The following MTSS1 variants were observed in gnomAD, a reference collection of about 807,000 sequenced individuals.
The protein encoded by MTSS1 is MTSS I-BAR domain containing 1, also known as protein MTSS 1.
In MTSS1, 18 loss-of-function variants were observed where a neutral mutation model predicts 79.0. The observed-to-expected ratio is 0.23, with a 90% CI of 0.16 to 0.34. The LOEUF (loss-of-function observed/expected upper bound fraction) is 0.34, where lower values mean the gene tolerates loss of function less well. MTSS1 is among the 10% of genes least tolerant of loss of function. The probability of loss-of-function intolerance (pLI) is 1.00; values close to 1 mark genes in which losing one functional copy is unlikely to be tolerated. For missense variants in MTSS1, 815 were observed against 986.2 expected, an observed-to-expected ratio of 0.83 and a Z score of 2.33; for synonymous variants, 341 against 368.6, an observed-to-expected ratio of 0.93 and a Z score of 0.86.
rs1023948471 is a variant in MTSS1 at position 124,727,429 on chromosome 8, A to T, written c.72+455T>A. 3 of 408,880 alleles carry T rather than the reference A, an allele frequency of 7.3e-6. No homozygotes were observed. The highest frequency in any genetic ancestry group is 6.2e-5 in the African/African-American group (3 of 48,714). 25.3% of individuals were successfully genotyped at this position (408,880 alleles called of 1,614,324 possible). A position where few individuals can be genotyped will look rare whatever the true frequency, so the allele number is the denominator to read the frequency against. ...GCTTTCCCTCTCAGTCTCCTAGGCT[A>T]GGGGACTCCTTCCTGCGAGCGGGCA... On this transcript the variant is annotated intron_variant, in intron 1 of 13. Transcript: ENST00000518547. This position sits in a 1 kb window ranked among gnomAD's most constrained non-coding sequence, Gnocchi z 4.7.
At chr8:124,580,703 T>C (rs1829878208) in intron 6 of MTSS1, 1 of 933,884 alleles carries the variant, frequency 1.1e-6, no homozygotes, top group Non-Finnish European at 1.6e-6. Context: ...CGCCACCAAA[T>C]TTTCTATTAG....
At chr8:124,570,845 AT>A (rs896222801) in intron 6 of MTSS1, among the ~76,000 whole-genome samples, 3 of 151,350 alleles carry the variant, frequency 2.0e-5, no homozygotes, top group African/African-American at 4.9e-5. Flanking sequence ...TAGTTTTTCA[AT>A]TTTTTTTTAT....
rs1375472638 is a variant in MTSS1 at position 124,565,715 on chromosome 8, C to G, written c.771G>C (p.Gln257His). Residue 257 changes from glutamine to histidine, a missense_variant, in exon 9 of 14, where the codon CAG (glutamine) becomes CAC (histidine). Physicochemically the swap from Gln to His is conservative, Grantham distance 24. Around this residue, in one of 2 missense-constraint regions of MTSS1, gnomAD observed 225 missense variants for 365.4 expected, o/e 0.62. Transcript: ENST00000518547. The part of the protein sequence containing the change: ...LKGSDYSWSY[Q>H]TPPSSPSTTM... ...TGGTGCTGGGGGAAGAGGGTGGCGTCTGATACGACCAGCTGTAATCAGAAC... is the reference window on the plus strand; with the variant it reads ...TGGTGCTGGGGGAAGAGGGTGGCGTGTGATACGACCAGCTGTAATCAGAAC... 1.2e-6 allele frequency: 2 copies of G among 1,613,992 alleles called. No homozygotes were observed. Among genetic ancestry groups the G allele is most frequent in the Non-Finnish European group, 1.7e-6 (2 of 1,180,038 alleles).
Position 124,555,915 on chromosome 8 carries a change from G to A in MTSS1, c.1405-11C>T. On this transcript the variant is annotated splice_polypyrimidine_tract_variant and intron_variant, in intron 12 of 13. Coordinates refer to ENST00000518547, the MANE Select transcript of MTSS1 (RefSeq NM_014751.6). ...CATCTCCTCACCAGGCTGCAGGTTGGAGGAGAGAAATACACAGGTTGCTTT... is the reference window on the plus strand; with the variant it reads ...CATCTCCTCACCAGGCTGCAGGTTGAAGGAGAGAAATACACAGGTTGCTTT... 5 of 1,600,914 alleles carry A rather than the reference G, an allele frequency of 3.1e-6. No homozygotes were observed. The highest frequency in any genetic ancestry group is 2.2e-5 in the South Asian group (2 of 90,662).
At chr8:124,587,644 G>A (rs371152651) in intron 5 of MTSS1, among the ~76,000 whole-genome samples, 9 of 151,974 alleles carry the variant, frequency 5.9e-5, no homozygotes, top group Non-Finnish European at 1.3e-4. Context: ...GATTACAGGC[G>A]CATGCCACCA....
rs889982546 is a variant in MTSS1, at chr8:124,597,540, G to A, written c.209-6305C>T. Among the ~76,000 whole-genome samples the A allele has an allele frequency of 5.3e-5, 8 of 152,240 alleles. No homozygotes were observed. Among genetic ancestry groups the A allele is most frequent in the South Asian group, 2.1e-4 (1 of 4,838 alleles). The stretch of plus-strand genomic sequence containing the variant: ...GAGACCTGGCAGCGACAGGCAGGAC[G>A]GTGGGTCCTTCGAGTGGCATTGTCC... On this transcript the variant is annotated intron_variant, in intron 3 of 13. Transcript: ENST00000518547. This position sits in a 1 kb window ranked among gnomAD's most constrained non-coding sequence, Gnocchi z 4.6.
chr8:124,555,012 T>C (rs1363299114), intron 13 of MTSS1, among the ~76,000 whole-genome samples: 1 of 152,016 alleles, frequency 6.6e-6, no homozygotes, highest in Non-Finnish European at 1.5e-5. Context: ...CCTGGCTAAT[T>C]TTTGTATTTT....
At chr8:124,663,148 T>A (rs563501497) in intron 3 of MTSS1, among the ~76,000 whole-genome samples, 168 of 152,304 alleles carry the variant, frequency 1.1e-3, no homozygotes, top group African/African-American at 3.8e-3. Flanking sequence ...CTCAGACACC[T>A]GCACACGTGT....
rs761857684 is a variant in MTSS1 at position 124,672,691 on chromosome 8, TC to T, written c.208+26834del. Among the ~76,000 whole-genome samples, 4 of 152,100 alleles carry T rather than the reference TC, an allele frequency of 2.6e-5. No homozygotes were observed. In the East Asian group the frequency reaches 5.8e-4, roughly 22 times the overall value. ...TGGGTGTGGTGGCATGCACCCATAG[TC>T]CCAGCTACTTGGGAAGCTGAGGTGG... On this transcript the variant is annotated intron_variant, in intron 3 of 13. Transcript: ENST00000518547.
chr8:124,626,554 A>G (rs1402827536), intron 3 of MTSS1, among the ~76,000 whole-genome samples: 1 of 152,168 alleles, frequency 6.6e-6, no homozygotes, highest in Non-Finnish European at 1.5e-5. Context: ...TTAAATCCAG[A>G]AATAGCAATC....
At chr8:124,604,289 C>T (rs1051325362) in intron 3 of MTSS1, among the ~76,000 whole-genome samples, 18 of 152,014 alleles carry the variant, frequency 1.2e-4, no homozygotes, top group African/African-American at 4.3e-4. Flanking sequence ...TGTTGGGCCA[C>T]ATTCAAAACC....
chr8:124,721,264 T>C (rs557265334), intron 1 of MTSS1, among the ~76,000 whole-genome samples: 80 of 152,148 alleles, frequency 5.3e-4, no homozygotes, highest in African/African-American at 1.9e-3. Flanking sequence ...CACACGTGGC[T>C]AGTGGCTCAC....
At position 124,585,418 on chromosome 8, in the gene MTSS1, ACTT is replaced by A. The variant is rs1830689028; in HGVS notation, c.386-260_386-258del. ...TTGAAGGGAGGCTCCGTTTGGGAAT[ACTT>A]TTTTTTTTTTTAAGACAGAGTCTTG... is the stretch of plus-strand genomic sequence containing the variant. On this transcript the variant is annotated intron_variant, in intron 5 of 13. Transcript: ENST00000518547. 3.1e-5 allele frequency among the ~76,000 whole-genome samples: 4 copies of A among 130,770 alleles called. No individual in the cohort carries two copies. In the South Asian group the frequency reaches 9.3e-4, roughly 30 times the overall value. The allele number at this position is 130,770 out of a possible 152,430, so 85.8% of individuals were successfully genotyped here. A position where few individuals can be genotyped will look rare whatever the true frequency, so the allele number is the denominator to read the frequency against.
At chr8:124,593,184 TATAAGCAA>T (rs1458103134) in intron 3 of MTSS1, among the ~76,000 whole-genome samples, 1 of 152,240 alleles carries the variant, frequency 6.6e-6, no homozygotes, top group African/African-American at 2.4e-5. Flanking sequence ...TTTTACTGCA[TATAAGCAA>T]AGACGAGGAA....
At chr8:124,561,345 G>A (rs1025571940) in intron 10 of MTSS1, among the ~76,000 whole-genome samples, 8 of 152,180 alleles carry the variant, frequency 5.3e-5, no homozygotes, top group Admixed American at 2.6e-4. Context: ...TTGAACCCAG[G>A]AGGTGGAGGT....
intron 3 of MTSS1, among the ~76,000 whole-genome samples, chr8:124,656,403 A>G (rs1291459754): frequency 6.6e-6 from 1 of 152,142 alleles, no homozygotes. Context: ...GTGTCAAGGC[A>G]TTTGAGTAAA....
intron 10 of MTSS1, among the ~76,000 whole-genome samples, chr8:124,560,003 C>T (rs765857678): frequency 6.6e-6 from 1 of 152,128 alleles, no homozygotes; most frequent in Non-Finnish European, 1.5e-5. Flanking sequence ...CTTTCCTGTC[C>T]TGTAAGGGCA....
At chr8:124,628,122 G>A (rs950356730) in intron 3 of MTSS1, among the ~76,000 whole-genome samples, 45 of 152,246 alleles carry the variant, frequency 3.0e-4, no homozygotes, top group African/African-American at 9.9e-4. Context: ...AGCTGAGATC[G>A]TGCCATTGCA....
chr8:124,598,901 C>T (rs1002819865), intron 3 of MTSS1, among the ~76,000 whole-genome samples: 11 of 150,062 alleles, frequency 7.3e-5, no homozygotes, highest in East Asian at 5.9e-4. Flanking sequence ...AGCTCCTTCA[C>T]GGGACCCAGC....
Sources: gnomAD v4.1 joint callset for allele counts (sites outside exome capture counted in the v4.1 genomes callset) on GRCh38, gnomAD v4.1.1 for gene constraint, gnomAD v4.1.1 regional missense constraint, Gnocchi (gnomAD v3.1) non-coding constraint, MANE v1.5 for transcripts, NCBI Gene and HGNC (gene_info 2026-07-23, HGNC 2026-07-21) for gene names.